Variants in KLRD1 observed in about 807,000 individuals in gnomAD.
KLRD1 encodes natural killer cells antigen CD94.
In KLRD1, 21 loss-of-function variants were observed where a neutral mutation model predicts 22.6. The ratio of observed to expected loss-of-function variants is 0.93; its 90% CI spans 0.66 to 1.34. KLRD1 has a LOEUF of 1.34. Among genes scored for constraint, KLRD1 ranks in the 40% most tolerant of loss-of-function variants. KLRD1 has a pLI of 0.00. For synonymous variants in KLRD1, 59 were observed against 71.1 expected (o/e 0.83, Z 0.85); for missense variants, 183 against 208.6 (o/e 0.88, Z 0.76).
At chr12:10,276,681 A>G (rs1163586305) in intron 1 of KLRD1, among the ~76,000 whole-genome samples, 1 of 134,670 alleles carries the variant, frequency 7.4e-6, no homozygotes, top group African/African-American at 2.8e-5. Context: ...GGCATGTGCC[A>G]CCATAAAATT....
At chr12:10,246,543 C>T (rs7953662) in intron 1 of KLRD1, among the ~76,000 whole-genome samples, 86,513 of 152,022 alleles carry the variant, frequency 0.57, 27,329 homozygotes, top group Admixed American at 0.74. Flanking sequence ...AACTCTTCCA[C>T]ATATCTACAA....
rs1200058946 is a variant in KLRD1, at chr12:10,309,670, A to T, written c.145A>T (p.Asn49Tyr). Residue 49 changes from asparagine (N) to tyrosine (Y), a missense_variant, in exon 3 of 6, where the codon AAC becomes TAC. Coordinates refer to ENST00000336164, the MANE Select transcript of KLRD1 (RefSeq NM_002262.5). The part of the protein sequence containing the change: ...SIEPAFTPGP[N>Y]IELQKDSDCC... ...TGAGCCAGCATTTACTCCAGGACCCAACATAGAACTCCAGAAAGGTAGGTC... is the reference window on the plus strand; with the variant it reads ...TGAGCCAGCATTTACTCCAGGACCCTACATAGAACTCCAGAAAGGTAGGTC... 6.2e-7 allele frequency: 1 copy of T among 1,612,794 alleles called. No homozygotes were observed. The highest frequency in any genetic ancestry group is 1.7e-5 in the Admixed American group (1 of 60,010).
rs1950211724 is a variant in KLRD1, at chr12:10,315,796, GA to G, written c.*1009del. 6.6e-6 allele frequency: 1 copy of G among 151,902 alleles called. No individual in the cohort carries two copies. The highest frequency in any genetic ancestry group is 1.5e-5 in the Non-Finnish European group (1 of 67,990). 9.4% of individuals were successfully genotyped at this position (151,902 alleles called of 1,614,324 possible). ...GATCTATTTTCATCATTTTTGTGAT[GA>G]AAAAATTAATTTTGATTGACTTAGG... is the stretch of plus-strand genomic sequence containing the variant. On this transcript the variant is annotated 3_prime_UTR_variant, in exon 6 of 6. Transcript: ENST00000336164.
In KLRD1 at chr12:10,316,210, C is replaced by G. The variant is rs571026054; in HGVS notation, c.*1417C>G. The G allele has an allele frequency of 6.7e-4, 101 of 151,428 alleles. No individual in the cohort carries two copies. The highest frequency in any genetic ancestry group is 2.3e-3 in the African/African-American group (93 of 41,216). The allele number at this position is 151,428 out of a possible 1,614,324, so 9.4% of individuals were successfully genotyped here. ...CCTTTGTTATTTAGTGTACTCCAACCACGGAGTAACATCCCATCATAATCC... is the reference window on the plus strand; with the variant it reads ...CCTTTGTTATTTAGTGTACTCCAACGACGGAGTAACATCCCATCATAATCC... On this transcript the variant is annotated 3_prime_UTR_variant, in exon 6 of 6. Coordinates refer to ENST00000336164, the MANE Select transcript of KLRD1 (RefSeq NM_002262.5).
intron 1 of KLRD1, among the ~76,000 whole-genome samples, chr12:10,251,000 G>A (rs1949341221): frequency 6.6e-6 from 1 of 152,100 alleles, no homozygotes; most frequent in Admixed American, 6.5e-5. Flanking sequence ...TCATAATTTT[G>A]TAATCGGGAT....
At chr12:10,308,876 A>T (rs1409495852) in intron 1 of KLRD1, 1 of 154,430 alleles carries the variant, frequency 6.5e-6, no homozygotes, top group African/African-American at 2.4e-5. Context: ...TGAATGAAAG[A>T]TTCTTGAGCT....
In KLRD1 at chr12:10,282,943, A is replaced by G. The variant is rs2137656144; in HGVS notation, c.-100-25035A>G. 2.6e-5 allele frequency among the ~76,000 whole-genome samples: 4 copies of G among 152,290 alleles called. 1 individual carries two copies. Among genetic ancestry groups the G allele is most frequent in the Admixed American group, 2.6e-4 (4 of 15,296 alleles). On this transcript the variant is annotated intron_variant, in intron 1 of 5. Transcript: ENST00000544747. ...AATAGGTAGAAATAAAGACAGAGAA[A>G]TTGTCAGGGAAACAAGAGTGTAGTA...
chr12:10,321,403 G>A lies in KLRD1; in HGVS notation c.*6610G>A, dbSNP rs1950311225. 3.9e-5 allele frequency: 6 copies of A among 152,184 alleles called. No homozygotes were observed. In the South Asian group the frequency reaches 1.0e-3, roughly 26 times the overall value. 9.4% of individuals were successfully genotyped at this position (152,184 alleles called of 1,614,324 possible). On this transcript the variant is annotated 3_prime_UTR_variant, in exon 6 of 6. Coordinates refer to ENST00000336164, the MANE Select transcript of KLRD1 (RefSeq NM_002262.5). ...TCGGACTTTGAACTGACATTGTAAC[G>A]GAATGAGATTTGGCAGTTGGTGTGG...
At chr12:10,255,081 A>T (rs1408818684) in intron 1 of KLRD1, among the ~76,000 whole-genome samples, 4 of 151,908 alleles carry the variant, frequency 2.6e-5, no homozygotes, top group African/African-American at 9.7e-5. Context: ...ATTATTAAAA[A>T]GTCAAAAAAT....
rs1950327050 is a variant in KLRD1, at chr12:10,323,279, T to A, written c.*8486T>A. On this transcript the variant is annotated 3_prime_UTR_variant, in exon 6 of 6. Transcript: ENST00000336164. ...TTTATTCATAAAGCTTATTTATAAT[T>A]TCACTGGCAGTTTATGTGAGTGTTA... 6.6e-6 allele frequency: 1 copy of A among 152,216 alleles called. No homozygotes were observed. The highest frequency in any genetic ancestry group is 6.5e-5 in the Admixed American group (1 of 15,290). 9.4% of individuals were successfully genotyped at this position (152,216 alleles called of 1,614,324 possible).
At chr12:10,239,559 CTTTCTTTCTTTCTTTCTTTCTTTCTT>C (rs1565443444) in intron 1 of KLRD1, among the ~76,000 whole-genome samples, 89 of 116,260 alleles carry the variant, frequency 7.7e-4, no homozygotes, top group African/African-American at 4.1e-3. Context: ...TTCTTTCTTT[CTTTCTTTCTTTCTTTCTTTCTTTCTT>C]TTTCTTTCTT....
chr12:10,278,207 C>T (rs1280785020), intron 1 of KLRD1, among the ~76,000 whole-genome samples: 4 of 152,164 alleles, frequency 2.6e-5, no homozygotes, highest in Non-Finnish European at 5.9e-5. Context: ...TTGTAGCTGT[C>T]CGTTGAGCCT....
rs535519649 is a variant in KLRD1, at chr12:10,274,309, G to A, written c.-100-33669G>A. 2.0e-5 allele frequency among the ~76,000 whole-genome samples: 3 copies of A among 152,096 alleles called. No homozygotes were observed. In the East Asian group the frequency reaches 5.8e-4, roughly 29 times the overall value. ...AAAAATTTTTTTTTAAATGTTACAG[G>A]TTATTTACAAAAATTACATCTAGTA... is the stretch of plus-strand genomic sequence containing the variant. On this transcript the variant is annotated intron_variant, in intron 1 of 5. Transcript: ENST00000544747.
upstream of KLRD1, among the ~76,000 whole-genome samples, chr12:10,303,528 TAATTTTAC>T (rs1222902690): frequency 3.3e-5 from 5 of 152,208 alleles, no homozygotes; most frequent in Non-Finnish European, 7.3e-5. Context: ...CTGATATAGA[TAATTTTAC>T]TAATATAGAT....
chr12:10,304,361 CACATA>C (rs1949893126), upstream of KLRD1: 3 of 152,222 alleles, frequency 2.0e-5, no homozygotes, highest in Admixed American at 1.3e-4. Flanking sequence ...GTTATGGTTA[CACATA>C]GCTTATGTGA....
Position 10,261,737 on chromosome 12 carries a change from A to G in KLRD1, c.-101+35504A>G, listed in dbSNP as rs75023607. 7.2e-4 allele frequency among the ~76,000 whole-genome samples: 109 copies of G among 152,166 alleles called. 1 individual carries two copies. The East Asian group carries it at 0.017, about 23-fold the overall frequency. ...ATAGTTTAAGCTTCTAATTCTTACT[A>G]TTTCTGATACCCAGAAAAAAAGTAT... On this transcript the variant is annotated intron_variant, in intron 1 of 5. Coordinates refer to the KLRD1 transcript ENST00000544747.
At chr12:10,286,221 A>G (rs1949701167) in intron 1 of KLRD1, among the ~76,000 whole-genome samples, 1 of 152,226 alleles carries the variant, frequency 6.6e-6, no homozygotes, top group Admixed American at 6.5e-5. Context: ...CTGAGGTCTC[A>G]CAGGGGTCCA....
chr12:10,314,878 G>A lies in KLRD1; in HGVS notation c.*85G>A. Reference sequence around the variant, plus strand: ...GTTGCATGTTATATTATTACTAATTGTCTACTTCTGGAGTCTATAAAATGT... The same window carrying A: ...GTTGCATGTTATATTATTACTAATTATCTACTTCTGGAGTCTATAAAATGT... On this transcript the variant is annotated 3_prime_UTR_variant, in exon 6 of 6. Transcript: ENST00000336164. 1 of 1,258,722 alleles carries A rather than the reference G, an allele frequency of 7.9e-7. No individual in the cohort carries two copies. Among genetic ancestry groups the A allele is most frequent in the Non-Finnish European group, 1.1e-6 (1 of 906,292 alleles). The allele number at this position is 1,258,722 out of a possible 1,614,324, so 78.0% of individuals were successfully genotyped here. A position where few individuals can be genotyped will look rare whatever the true frequency, so the allele number is the denominator to read the frequency against.
At chr12:10,245,388 A>C (rs888875620) in intron 1 of KLRD1, among the ~76,000 whole-genome samples, 5 of 152,190 alleles carry the variant, frequency 3.3e-5, no homozygotes, top group Admixed American at 2.6e-4. Flanking sequence ...TAAATGAAAT[A>C]AAACAAGAAA....
Sources: allele counts gnomAD v4.1 joint callset (sites outside exome capture counted in the v4.1 genomes callset), GRCh38; gene constraint gnomAD v4.1.1; transcripts MANE v1.5; gene names NCBI Gene and HGNC (gene_info 2026-07-23, HGNC 2026-07-21).